The following LRRC7 variants were observed in gnomAD, a reference collection of about 807,000 sequenced individuals.
LRRC7 encodes the protein leucine-rich repeat-containing protein 7.
A neutral mutation model predicts 175.7 loss-of-function variants in LRRC7; 23 were observed. That is an observed-to-expected ratio of 0.13 (90% CI 0.09 to 0.19). The LOEUF is 0.19. Among genes scored for constraint, LRRC7 ranks in the 10% least tolerant of loss-of-function variants. The pLI is 1.00. For synonymous variants in LRRC7, 685 were observed against 680.9 expected (o/e 1.01, Z -0.09); for missense variants, 1,354 against 1,904.7 (o/e 0.71, Z 5.38).
intron 1 of LRRC7, among the ~76,000 whole-genome samples, chr1:69,636,649 A>G (rs1343971350): frequency 6.6e-6 from 1 of 151,996 alleles, no homozygotes; most frequent in East Asian, 1.9e-4. Context: ...ACCATTAACC[A>G]TGATATTTGT....
intron 23 of LRRC7, among the ~76,000 whole-genome samples, chr1:70,074,650 A>G (rs1266879648): frequency 6.6e-6 from 1 of 152,216 alleles, no homozygotes; most frequent in African/African-American, 2.4e-5. Context: ...ACTGTTTTCA[A>G]ATGTAAACAA....
At chr1:69,708,637 G>A (rs1013501759) in intron 2 of LRRC7, among the ~76,000 whole-genome samples, 4 of 152,084 alleles carry the variant, frequency 2.6e-5, no homozygotes, top group Non-Finnish European at 4.4e-5. Context: ...ATTGGTTGGG[G>A]GCCTGATGGT....
chr1:69,718,400 C>G (rs994791006), intron 2 of LRRC7, among the ~76,000 whole-genome samples: 9 of 151,820 alleles, frequency 5.9e-5, no homozygotes, highest in African/African-American at 1.7e-4. Context: ...ACCTGGAACA[C>G]TAAAAGAATA....
chr1:70,100,546 A>G (rs571143425), intron 25 of LRRC7, among the ~76,000 whole-genome samples: 34 of 152,230 alleles, frequency 2.2e-4, no homozygotes, highest in African/African-American at 8.2e-4. Flanking sequence ...AAATTTTTTT[A>G]CAAATGCAAC....
At chr1:69,807,783 G>C (rs1677311071) in intron 4 of LRRC7, among the ~76,000 whole-genome samples, 1 of 151,918 alleles carries the variant, frequency 6.6e-6, no homozygotes, top group African/African-American at 2.4e-5. Context: ...TCTTGGGGTT[G>C]CTCTTCTCGA....
intron 7 of LRRC7, among the ~76,000 whole-genome samples, chr1:69,892,082 A>G (rs1037883026): frequency 1.3e-5 from 2 of 152,250 alleles, no homozygotes; most frequent in Non-Finnish European, 2.9e-5. Context: ...TTGAATATAT[A>G]CTACTTGTTT....
intron 24 of LRRC7, among the ~76,000 whole-genome samples, chr1:70,081,972 T>C (rs1663244275): frequency 6.6e-6 from 1 of 152,172 alleles, no homozygotes; most frequent in Admixed American, 6.5e-5. Context: ...GGAAAAAAAG[T>C]TCCAAAACAT....
At chr1:69,668,796 C>G (rs1658647066) in intron 1 of LRRC7, among the ~76,000 whole-genome samples, 1 of 152,196 alleles carries the variant, frequency 6.6e-6, no homozygotes, top group African/African-American at 2.4e-5. Context: ...TCCACATCCT[C>G]TCCAGCATCT....
At chr1:69,890,923 G>A (rs1455390943) in intron 7 of LRRC7, among the ~76,000 whole-genome samples, 2 of 152,146 alleles carry the variant, frequency 1.3e-5, no homozygotes, top group Non-Finnish European at 2.9e-5. Flanking sequence ...AGAGAGTTAG[G>A]GTCTTGCTCT....
intron 1 of LRRC7, among the ~76,000 whole-genome samples, chr1:69,672,806 G>A (rs763160382): frequency 4.6e-5 from 7 of 152,096 alleles, no homozygotes; most frequent in Non-Finnish European, 8.8e-5. Flanking sequence ...ATCCAACTGA[G>A]TCAGCCAAAC....
chr1:69,595,737 A>G (rs1345214312), intron 1 of LRRC7, among the ~76,000 whole-genome samples: 2 of 152,152 alleles, frequency 1.3e-5, no homozygotes, highest in East Asian at 3.9e-4. Context: ...TTTCGACAAC[A>G]TTTCAGTCTG....
At position 69,579,969 on chromosome 1, in the gene LRRC7, C is replaced by T. The variant is rs546183407; in HGVS notation, c.2+11328C>T. On this transcript the variant is annotated intron_variant, in intron 1 of 26. Coordinates refer to ENST00000651989, the MANE Select transcript of LRRC7 (RefSeq NM_001370785.2). ...TGTTTATGACCCAGTGCACTGCTTG[C>T]TCTTTCCCTAATATAGTAATTGTGG... Among the ~76,000 whole-genome samples the T allele has an allele frequency of 2.0e-5, 3 of 152,146 alleles. No individual in the cohort carries two copies. In the East Asian group the frequency reaches 5.8e-4, roughly 29 times the overall value.
intron 2 of LRRC7, among the ~76,000 whole-genome samples, chr1:69,728,929 T>G (rs767025595): frequency 6.6e-6 from 1 of 152,164 alleles, no homozygotes; most frequent in Non-Finnish European, 1.5e-5. Context: ...AACTCACAAT[T>G]CAGCATGGCT....
At chr1:69,797,516 A>G (rs764800344) in intron 4 of LRRC7, among the ~76,000 whole-genome samples, 1 of 152,072 alleles carries the variant, frequency 6.6e-6, no homozygotes, top group East Asian at 1.9e-4. Flanking sequence ...CAAAGCAAAA[A>G]TTCATTCTCT....
At chr1:69,902,904 A>G (rs572574909) in intron 7 of LRRC7, among the ~76,000 whole-genome samples, 2 of 152,272 alleles carry the variant, frequency 1.3e-5, no homozygotes, top group South Asian at 4.1e-4. Context: ...CAGTTCTTTG[A>G]TTGAAGTGAG....
At chr1:69,786,729 A>C (rs1234831615) in intron 3 of LRRC7, among the ~76,000 whole-genome samples, 2 of 152,156 alleles carry the variant, frequency 1.3e-5, no homozygotes, top group African/African-American at 4.8e-5. Flanking sequence ...CACAGGAAAG[A>C]CTATGATTTA....
At chr1:69,680,401 C>T (rs541792654) in intron 2 of LRRC7, among the ~76,000 whole-genome samples, 1 of 152,154 alleles carries the variant, frequency 6.6e-6, no homozygotes, top group South Asian at 2.1e-4. Context: ...TGTTAAGCTA[C>T]CTAATATGTG....
intron 5 of LRRC7, among the ~76,000 whole-genome samples, chr1:69,827,755 C>G (rs1680086613): frequency 6.6e-6 from 1 of 152,056 alleles, no homozygotes; most frequent in African/African-American, 2.4e-5. Context: ...GGGAGAATCA[C>G]TTTAGCCTGG....
Position 69,721,554 on chromosome 1 carries a change from A to G in LRRC7, c.101-38637A>G, listed in dbSNP as rs968369192. On this transcript the variant is annotated intron_variant, in intron 2 of 26. Transcript: ENST00000651989. ...ATTGACTGATAGCTAATTTCTCTTT[A>G]GCACTGAATAATATGCCATTATATA... Among the ~76,000 whole-genome samples the G allele has an allele frequency of 3.9e-5, 6 of 151,996 alleles. No homozygotes were observed. The East Asian group carries it at 9.6e-4, about 24-fold the overall frequency.
Sources: gnomAD v4.1 joint callset for allele counts (sites outside exome capture counted in the v4.1 genomes callset) on GRCh38, gnomAD v4.1.1 for gene constraint, MANE v1.5 for transcripts, NCBI Gene and HGNC (gene_info 2026-07-23, HGNC 2026-07-21) for gene names.